FCSK: variants seen among roughly 807,000 people sequenced by gnomAD.
FCSK encodes the protein fucose kinase.
Under a neutral mutation model 122.5 loss-of-function variants are expected in FCSK, and 123 were observed. The ratio of observed to expected loss-of-function variants is 1.00; its 90% CI spans 0.87 to 1.17. The LOEUF is 1.17. Ranked by LOEUF, FCSK falls within the 50% of genes most tolerant of loss-of-function variation. The pLI is 0.00. For synonymous variants in FCSK, 620 were observed against 625.5 expected (o/e 0.99, Z 0.13); for missense variants, 1,366 against 1,450.4 (o/e 0.94, Z 0.95).
In FCSK at chr16:70,467,435, C is replaced by T. The variant is rs775210721; in HGVS notation, c.546C>T (p.Tyr182=). 2.7e-5 allele frequency: 43 copies of T among 1,609,670 alleles called. No individual in the cohort carries two copies. Among genetic ancestry groups the T allele is most frequent in the Non-Finnish European group, 3.6e-5 (42 of 1,178,420 alleles). ...TCGCCCTCCCAGGGAGCCCGGCCTACGCTCAGAATCATGGCGTCTACCTAA... is the reference window on the plus strand; with the variant it reads ...TCGCCCTCCCAGGGAGCCCGGCCTATGCTCAGAATCATGGCGTCTACCTAA... The part of the protein sequence containing the change: ...RVIALPGSPA[Y]AQNHGVYLTD... Residue 182 remains tyrosine (Y), a synonymous_variant, in exon 7 of 24, where the codon TAC becomes TAT. Coordinates refer to ENST00000288078, the MANE Select transcript of FCSK (RefSeq NM_145059.3).
In FCSK at chr16:70,478,243, T is replaced by A. The variant is rs545354435; in HGVS notation, c.2642-29T>A. ...GAGAGTGAAGCTGGGCCAGATAGACTCCAACAGTGACAGTCCCTGGGCTCA... is the reference window on the plus strand; with the variant it reads ...GAGAGTGAAGCTGGGCCAGATAGACACCAACAGTGACAGTCCCTGGGCTCA... On this transcript the variant is annotated intron_variant, in intron 20 of 23. Coordinates refer to ENST00000288078, the MANE Select transcript of FCSK (RefSeq NM_145059.3). The A allele has an allele frequency of 7.3e-5, 118 of 1,610,306 alleles. No homozygotes were observed. The South Asian group carries it at 1.3e-3, about 17-fold the overall frequency.
chr16:70,464,329 C>G (rs2048352727), intron 3 of FCSK, among the ~76,000 whole-genome samples: 1 of 152,178 alleles, frequency 6.6e-6, no homozygotes, highest in Non-Finnish European at 1.5e-5. Flanking sequence ...CAGCCCCCAA[C>G]TCTTGTTGCC....
At position 70,475,776 on chromosome 16, in the gene FCSK, C is replaced by A; in HGVS notation, c.2641+9C>A. ...GCAGGTGCTCACCACTGGTATGTGA[C>A]TGCCCTGGAGTTGGAGGAGGTCACT... is the stretch of plus-strand genomic sequence containing the variant. On this transcript the variant is annotated intron_variant, in intron 20 of 23. Coordinates refer to ENST00000288078, the MANE Select transcript of FCSK (RefSeq NM_145059.3). 6.4e-7 allele frequency: 1 copy of A among 1,562,216 alleles called. No individual in the cohort carries two copies. Among genetic ancestry groups the A allele is most frequent in the Non-Finnish European group, 8.7e-7 (1 of 1,151,962 alleles).
At chr16:70,459,115 C>T (rs933323100) in intron 1 of FCSK, among the ~76,000 whole-genome samples, 2 of 151,116 alleles carry the variant, frequency 1.3e-5, no homozygotes, top group Admixed American at 6.6e-5. Flanking sequence ...CCCAGCTATA[C>T]AGGAGGCTGA....
chr16:70,467,814 C>T (rs2048470490), intron 7 of FCSK, 72 bp from the exon 8 acceptor site: 6 of 1,304,368 alleles, frequency 4.6e-6, no homozygotes, highest in Non-Finnish European at 6.7e-6. Context: ...CCCTTGCTGC[C>T]ACCTGTGGCT....
At chr16:70,478,159 G>A (rs2048872862) in intron 20 of FCSK, 113 bp from the exon 21 acceptor site, 2 of 1,011,666 alleles carry the variant, frequency 2.0e-6, no homozygotes, top group East Asian at 2.6e-5. Flanking sequence ...TGGAGTTGAG[G>A]GAAGCTATCT....
Position 70,478,650 on chromosome 16 carries a change from G to T in FCSK, c.2929G>T (p.Gly977Ter), listed in dbSNP as rs1396906114. Residue 977 changes from glycine (G) to a stop codon, truncating the protein, a stop_gained and splice_region_variant, in exon 22 of 24, where the codon GGA becomes TGA. Transcript: ENST00000288078. LOFTEE classifies it high-confidence loss of function. Reference protein sequence around the residue: ...TEECAEGFRQGSLPLLGQCLT... With the variant: ...TEECAEGFRQ ...GGAGTGTGCTGAAGGCTTCCGCCAA[G>T]GTGAGGGGCTTCCTCTGGGGGGGTC... is the stretch of plus-strand genomic sequence containing the variant. The T allele has an allele frequency of 2.5e-6, 4 of 1,612,906 alleles. No homozygotes were observed. The highest frequency in any genetic ancestry group is 2.5e-6 in the Non-Finnish European group (3 of 1,179,800).
chr16:70,455,062 A>G (rs1450396811), intron 1 of FCSK: 4 of 152,240 alleles, frequency 2.6e-5, no homozygotes, highest in Admixed American at 2.0e-4. Context: ...TGGGTAATTT[A>G]CAAAACGATT....
intron 10 of FCSK, among the ~76,000 whole-genome samples, chr16:70,469,727 T>A (rs1267535825): frequency 1.3e-5 from 2 of 152,172 alleles, no homozygotes; most frequent in Admixed American, 1.3e-4. Context: ...CTAATTTTTC[T>A]ATTTTTAGTT....
intron 1 of FCSK, among the ~76,000 whole-genome samples, chr16:70,462,921 A>G (rs1351428596): frequency 1.3e-5 from 2 of 152,196 alleles, no homozygotes; most frequent in African/African-American, 2.4e-5. Context: ...CTAGGATTGC[A>G]GGCATGAGCC....
intron 8 of FCSK, among the ~76,000 whole-genome samples, chr16:70,468,581 A>G (rs2048502246): frequency 6.6e-6 from 1 of 152,054 alleles, no homozygotes; most frequent in South Asian, 2.1e-4. Flanking sequence ...AGGATTGGAG[A>G]GGCATGGAGA....
Position 70,471,026 on chromosome 16 carries a change from C to A in FCSK, c.1124C>A (p.Pro375His). 1.2e-6 allele frequency: 2 copies of A among 1,602,940 alleles called. No individual in the cohort carries two copies. Among genetic ancestry groups the A allele is most frequent in the Non-Finnish European group, 1.7e-6 (2 of 1,176,828 alleles). The change falls in exon 12 of 24, where the codon CCT becomes CAT. Residue 375 changes from proline (P) to histidine (H), a missense_variant. Coordinates refer to ENST00000288078, the MANE Select transcript of FCSK (RefSeq NM_145059.3). Reference sequence around the variant, plus strand: ...GTGGTCAGCTGCCTGCTGGAGGGCCCTGTCCAGCTGGGTCCTGGGAGCGTC... The same window carrying A: ...GTGGTCAGCTGCCTGCTGGAGGGCCATGTCCAGCTGGGTCCTGGGAGCGTC... ...SSVVSCLLEG[P>H]VQLGPGSVLQ...
At position 70,468,775 on chromosome 16, in the gene FCSK, A is replaced by G. The variant is rs2048510930; in HGVS notation, c.664-74A>G. The G allele has an allele frequency of 4.4e-6, 7 of 1,584,976 alleles. No homozygotes were observed. In the South Asian group the frequency reaches 7.8e-5, roughly 18 times the overall value. ...ACTCAGCTTCATGTGGCCCATCTGC[A>G]TGTGCCCTCCCTGACTTGTACCAGG... On this transcript the variant is annotated intron_variant, in intron 8 of 23. Transcript: ENST00000288078.
rs766432363 is a variant in FCSK, at chr16:70,476,007, C to CT, written c.2641+253dup. Among the ~76,000 whole-genome samples the CT allele has an allele frequency of 2.5e-3, 356 of 145,262 alleles. 1 individual carries two copies. Among genetic ancestry groups the CT allele is most frequent in the Middle Eastern group, 3.6e-3 (1 of 276 alleles). On this transcript the variant is annotated intron_variant, in intron 20 of 23. Transcript: ENST00000288078. ...TGAGTGCCAGATTCTGTGCTGTGCC[C>CT]TTTTTTTTTTTTTGAGACGGAGTCT...
intron 1 of FCSK, among the ~76,000 whole-genome samples, chr16:70,458,638 A>G (rs1465569294): frequency 1.3e-5 from 2 of 150,556 alleles, no homozygotes; most frequent in African/African-American, 4.9e-5. Context: ...TAGTAGAGAC[A>G]GGGTTTACCA....
rs1410942484 is a variant in FCSK at position 70,467,889 on chromosome 16, C to G, written c.586C>G (p.Leu196Val). The G allele has an allele frequency of 6.2e-7, 1 of 1,613,882 alleles. No individual in the cohort carries two copies. Among genetic ancestry groups the G allele is most frequent in the Admixed American group, 1.7e-5 (1 of 60,000 alleles). Residue 196 changes from leucine (L) to valine (V), a missense_variant, in exon 8 of 24, where the codon CTT becomes GTT. Leu to Val is a conservative substitution (Grantham distance 32). Transcript: ENST00000288078. ...TTCTGTTTCTCCCTGCACATAGGGC[C>G]TTGTTTTGGACATTTACTACCAGGG... ...HGVYLTDPQG[L>V]VLDIYYQGTE...
chr16:70,467,962 C>A lies in FCSK; in HGVS notation c.659C>A (p.Pro220Gln), dbSNP rs915580422. ...TGTGTCAGGCCTGATGGGCGGGTGC[C>A]ACTGGTATGGCTGCTGGGCCCAGGT... is the stretch of plus-strand genomic sequence containing the variant. ...QRCVRPDGRVPLVSGVVFFSV... is the reference protein window; with the variant it reads ...QRCVRPDGRVQLVSGVVFFSV... Residue 220 changes from proline to glutamine, a missense_variant, in exon 8 of 24, where the codon CCA becomes CAA. Coordinates refer to ENST00000288078, the MANE Select transcript of FCSK (RefSeq NM_145059.3). 2.5e-6 allele frequency: 4 copies of A among 1,613,514 alleles called. No homozygotes were observed. In the African/African-American group the frequency reaches 5.3e-5, roughly 22 times the overall value.
chr16:70,472,486 C>T, intron 13 of FCSK, 55 bp from the exon 14 acceptor site: 2 of 1,467,306 alleles, frequency 1.4e-6, no homozygotes, highest in Non-Finnish European at 1.9e-6. Context: ...GGCCGAGTGT[C>T]TCTAACCCTT....
intron 8 of FCSK, 84 bp from the exon 9 acceptor site, chr16:70,468,765 G>T: frequency 6.5e-7 from 1 of 1,539,876 alleles, no homozygotes; most frequent in Non-Finnish European, 8.9e-7. Flanking sequence ...GCTTCATGTG[G>T]CCCATCTGCA....
Sources: gnomAD v4.1 joint callset for allele counts (sites outside exome capture counted in the v4.1 genomes callset) on GRCh38, gnomAD v4.1.1 for gene constraint, MANE v1.5 for transcripts, NCBI Gene and HGNC (gene_info 2026-07-23, HGNC 2026-07-21) for gene names.